ACYP1: variants seen among roughly 807,000 people sequenced by gnomAD.
ACYP1 encodes acylphosphatase 1.
A neutral mutation model predicts 10.4 loss-of-function variants in ACYP1; 8 were observed. That is an observed-to-expected ratio of 0.77 (90% CI 0.45 to 1.38). The LOEUF (loss-of-function observed/expected upper bound fraction) is 1.38. Ranked by LOEUF, ACYP1 falls within the 40% of genes most tolerant of loss-of-function variation. The probability of loss-of-function intolerance (pLI) is 0.00; values close to 1 mark genes in which losing one functional copy is unlikely to be tolerated. For synonymous variants in ACYP1, 38 were observed against 40.8 expected (o/e 0.93, Z 0.26); for missense variants, 93 against 117.3 (o/e 0.79, Z 0.96).
At chr14:75,069,450 GCAGGGCTGGACCGA>G in exon 1 of ACYP1, 1 of 601,458 alleles carries the variant, frequency 1.7e-6, no homozygotes, top group Non-Finnish European at 2.7e-6. Flanking sequence ...CTCCCCAAGG[GCAGGGCTGGACCGA>G]GCTGCAGAGT....
upstream of ACYP1, among the ~76,000 whole-genome samples, chr14:75,065,052 C>G (rs1893119892): frequency 1.3e-5 from 2 of 152,174 alleles, no homozygotes; most frequent in African/African-American, 4.8e-5. Flanking sequence ...TTGAGTCAGT[C>G]AATCTAAGCC....
At chr14:75,059,299 G>C (rs1892962195) in intron 2 of ACYP1, among the ~76,000 whole-genome samples, 1 of 151,900 alleles carries the variant, frequency 6.6e-6, no homozygotes, top group African/African-American at 2.4e-5. Context: ...TTGAGGTCAG[G>C]ATCAGCCAGG....
chr14:75,063,243 C>G (rs1426827899), intron 2 of ACYP1: 1 of 524,772 alleles, frequency 1.9e-6, no homozygotes. Context: ...ATATGTGTAT[C>G]TAGATGCTCA....
chr14:75,061,711 G>T, intron 2 of ACYP1: 1 of 1,592,638 alleles, frequency 6.3e-7, no homozygotes. Context: ...AAGCTAACTG[G>T]AACACAGCTC....
At chr14:75,062,969 G>T (rs114614803) in intron 2 of ACYP1, 1,624 of 154,160 alleles carry the variant, frequency 0.011, 27 homozygotes, top group African/African-American at 0.038. Context: ...AGCTGGAAAA[G>T]GTAAATGTTC....
chr14:75,056,453 T>C (rs1031667404), intron 2 of ACYP1, among the ~76,000 whole-genome samples: 4 of 151,280 alleles, frequency 2.6e-5, no homozygotes, highest in African/African-American at 7.4e-5. Context: ...ATACCTCTTT[T>C]CCTTTTTCTT....
chr14:75,061,866 C>A, intron 2 of ACYP1: 1 of 746,222 alleles, frequency 1.3e-6, no homozygotes, highest in Non-Finnish European at 2.0e-6. Context: ...CTTTGGGAGG[C>A]CAAGGTGGGC....
chr14:75,056,789 C>CA (rs534896523), intron 2 of ACYP1, among the ~76,000 whole-genome samples: 1 of 151,316 alleles, frequency 6.6e-6, no homozygotes, highest in Non-Finnish European at 1.5e-5. Flanking sequence ...CAATAGATGG[C>CA]AAAAAAGCAT....
chr14:75,053,797 A>C (rs1892808480), intron 2 of ACYP1, 138 bp from the exon 3 acceptor site: 3 of 732,910 alleles, frequency 4.1e-6, no homozygotes, highest in Admixed American at 2.8e-5. Context: ...CAAAAGAAAG[A>C]CAGCAAGAAG....
intron 1 of ACYP1, 134 bp downstream of exon 1, chr14:75,063,820 C>T: frequency 1.4e-6 from 1 of 733,826 alleles, no homozygotes; most frequent in Non-Finnish European, 1.9e-6. Flanking sequence ...GACCGATGAC[C>T]TCCTTACATC....
chr14:75,053,686 T>G, intron 2 of ACYP1, 27 bp from the exon 3 acceptor site: 1 of 1,596,112 alleles, frequency 6.3e-7, no homozygotes, highest in Non-Finnish European at 8.6e-7. Context: ...GAGAGAGAGA[T>G]CCAGTGAGAT....
At chr14:75,061,391 C>A (rs551636681) in intron 2 of ACYP1, among the ~76,000 whole-genome samples, 5 of 152,212 alleles carry the variant, frequency 3.3e-5, no homozygotes, top group African/African-American at 1.2e-4. Flanking sequence ...TAGATAATAT[C>A]AACAGCAAAC....
Position 75,053,456 on chromosome 14 carries a change from T to C in ACYP1, c.288A>G (p.Gln96=). The change falls in exon 3 of 3, where the codon CAA becomes CAG. Residue 96 remains glutamine (Q), a synonymous_variant. Coordinates refer to ENST00000238618, the MANE Select transcript of ACYP1 (RefSeq NM_001107.5). Reference sequence around the variant, plus strand: ...TAAATTCAGGCCATTATTTTACAATTTGGAAGTCTGAGTAATCCAACTTCA... The same window carrying C: ...TAAATTCAGGCCATTATTTTACAATCTGGAAGTCTGAGTAATCCAACTTCA... ...VILKLDYSDF[Q]IVK is the part of the protein sequence containing the mutation. 6.2e-7 allele frequency: 1 copy of C among 1,614,144 alleles called. No homozygotes were observed. Among genetic ancestry groups the C allele is most frequent in the Non-Finnish European group, 8.5e-7 (1 of 1,179,972 alleles).
intron 2 of ACYP1, among the ~76,000 whole-genome samples, chr14:75,054,891 G>A (rs1892835993): frequency 6.6e-6 from 1 of 151,316 alleles, no homozygotes; most frequent in Non-Finnish European, 1.5e-5. Flanking sequence ...GTAAGACTCC[G>A]CATCCAACTG....
intron 2 of ACYP1, among the ~76,000 whole-genome samples, chr14:75,061,076 TCAA>T (rs75596450): frequency 2.2e-4 from 33 of 150,354 alleles, no homozygotes; most frequent in African/African-American, 6.4e-4. Context: ...AGACTCTGTC[TCAA>T]CAACAACAAC....
chr14:75,058,597 T>G (rs1892942119), intron 2 of ACYP1, among the ~76,000 whole-genome samples: 1 of 151,322 alleles, frequency 6.6e-6, no homozygotes, highest in Non-Finnish European at 1.5e-5. Flanking sequence ...TGTCCCACTT[T>G]CAACACTGGG....
At chr14:75,064,044 T>G (rs1893099703), upstream of ACYP1, 1 of 988,186 alleles carries the variant, frequency 1.0e-6, no homozygotes, top group African/African-American at 1.7e-5. Context: ...CGCCCGGAAG[T>G]TTAGTGTGTA....
chr14:75,067,901 A>G (rs1025803333), upstream of ACYP1, among the ~76,000 whole-genome samples: 43 of 151,652 alleles, frequency 2.8e-4, no homozygotes, highest in Non-Finnish European at 8.8e-5. Flanking sequence ...CGGGAGGCTG[A>G]GGTGGGAGGA....
upstream of ACYP1, among the ~76,000 whole-genome samples, chr14:75,067,617 G>T (rs1001776086): frequency 6.6e-6 from 1 of 152,166 alleles, no homozygotes; most frequent in Admixed American, 6.5e-5. Context: ...GTCAAGGGAA[G>T]TAAGGTTTGT....
Sources: gnomAD v4.1 joint callset for allele counts (sites outside exome capture counted in the v4.1 genomes callset) on GRCh38, gnomAD v4.1.1 for gene constraint, MANE v1.5 for transcripts, NCBI Gene and HGNC (gene_info 2026-07-23, HGNC 2026-07-21) for gene names.